The following ATXN7L1 variants were observed in gnomAD, a reference collection of about 807,000 sequenced individuals.
ATXN7L1 encodes ataxin-7-like protein 1.
In ATXN7L1, 15 loss-of-function variants were observed where a neutral mutation model predicts 70.8. That is an observed-to-expected ratio of 0.21 (90% confidence interval 0.14 to 0.33). ATXN7L1 has a LOEUF of 0.33. Ranked by LOEUF, ATXN7L1 falls within the 10% of genes least tolerant of loss-of-function variation. The pLI is 1.00. For missense variants in ATXN7L1, 975 were observed against 1,097.1 expected (o/e 0.89, Z 1.57); for synonymous variants, 440 against 445.1 (o/e 0.99, Z 0.14).
At chr7:105,688,639 A>G (rs1374668994) in intron 3 of ATXN7L1, among the ~76,000 whole-genome samples, 1 of 152,182 alleles carries the variant, frequency 6.6e-6, no homozygotes, top group Non-Finnish European at 1.5e-5. Flanking sequence ...GTAAGCGCCA[A>G]TGAAGCCTTG....
In ATXN7L1 at chr7:105,605,463, A is replaced by G. The variant is rs535179062; in HGVS notation, c.*2389T>C. ...CCAGTCTTTTGACAAAGTAAGCAGC[A>G]TTCGATGAGGGTGGGGGGGGGGGTG... On this transcript the variant is annotated 3_prime_UTR_variant, in exon 12 of 12. Coordinates refer to ENST00000419735, the MANE Select transcript of ATXN7L1 (RefSeq NM_020725.2). The G allele has an allele frequency of 6.8e-4, 41 of 60,224 alleles. No homozygotes were observed. Among genetic ancestry groups the G allele is most frequent in the Non-Finnish European group, 9.5e-4 (33 of 34,794 alleles). The allele number at this position is 60,224 out of a possible 1,614,324, so 3.7% of individuals were successfully genotyped here. A position where few individuals can be genotyped will look rare whatever the true frequency, so the allele number is the denominator to read the frequency against.
intron 7 of ATXN7L1, among the ~76,000 whole-genome samples, chr7:105,637,889 T>C (rs1439949191): frequency 6.6e-6 from 1 of 152,146 alleles, no homozygotes; most frequent in Non-Finnish European, 1.5e-5. Flanking sequence ...TGGACTAGCA[T>C]GGTGCAGTGA....
chr7:105,815,830 G>A (rs891556613), intron 2 of ATXN7L1, among the ~76,000 whole-genome samples: 4 of 152,216 alleles, frequency 2.6e-5, no homozygotes, highest in East Asian at 1.9e-4. Context: ...TGGAAGATTC[G>A]GGAGCTGGGG....
At chr7:105,648,857 AC>A in intron 4 of ATXN7L1, among the ~76,000 whole-genome samples, 1 of 146,420 alleles carries the variant, frequency 6.8e-6, no homozygotes, top group East Asian at 1.9e-4. Context: ...AAAGGTTCTA[AC>A]CCCTGCTTTC....
intron 2 of ATXN7L1, among the ~76,000 whole-genome samples, chr7:105,794,182 C>A (rs901296844): frequency 6.6e-6 from 1 of 152,140 alleles, no homozygotes; most frequent in Non-Finnish European, 1.5e-5. Flanking sequence ...TTGAAAAACA[C>A]GCTTCAAGGC....
At chr7:105,820,801 G>T (rs148497926) in intron 2 of ATXN7L1, among the ~76,000 whole-genome samples, 1 of 152,228 alleles carries the variant, frequency 6.6e-6, no homozygotes, top group Non-Finnish European at 1.5e-5. Flanking sequence ...TAGCACCATC[G>T]CCTTGGTGAT....
chr7:105,685,635 T>C (rs1806094874), intron 3 of ATXN7L1, among the ~76,000 whole-genome samples: 1 of 152,300 alleles, frequency 6.6e-6, no homozygotes, highest in East Asian at 1.9e-4. Flanking sequence ...TTTCTCTCCA[T>C]GGTCCCCTTG....
In ATXN7L1 at chr7:105,759,845, A is replaced by G. The variant is rs185728117; in HGVS notation, c.355+28759T>C. On this transcript the variant is annotated intron_variant, in intron 3 of 11. Coordinates refer to ENST00000419735, the MANE Select transcript of ATXN7L1 (RefSeq NM_020725.2). ...ATCTTACCAATTTTGCCATATGTGC[A>G]AATCAATTTGATTTCCGCCCCCCCC... 1.3e-3 allele frequency among the ~76,000 whole-genome samples: 191 copies of G among 152,100 alleles called. 1 individual carries two copies. The highest frequency in any genetic ancestry group is 4.6e-3 in the African/African-American group (189 of 41,448).
chr7:105,851,340 CT>C (rs746678204), intron 2 of ATXN7L1, among the ~76,000 whole-genome samples: 38 of 152,218 alleles, frequency 2.5e-4, no homozygotes, highest in Non-Finnish European at 2.2e-4. Flanking sequence ...GCCTTTCCCC[CT>C]GCACCATCGA....
intron 3 of ATXN7L1, among the ~76,000 whole-genome samples, chr7:105,688,480 C>G (rs1013005338): frequency 6.6e-6 from 1 of 151,890 alleles, no homozygotes; most frequent in Admixed American, 6.6e-5. Flanking sequence ...GAGGTAGAGG[C>G]TGCAGTGAGC....
chr7:105,842,680 A>G (rs982626257), intron 2 of ATXN7L1, among the ~76,000 whole-genome samples: 4 of 152,116 alleles, frequency 2.6e-5, no homozygotes, highest in Admixed American at 6.6e-5. Context: ...CTGGTGTACA[A>G]GTTTTTGTGT....
intron 2 of ATXN7L1, among the ~76,000 whole-genome samples, chr7:105,822,130 TTTACTTTCTCAA>T (rs544700585): frequency 6.6e-6 from 1 of 152,276 alleles, no homozygotes; most frequent in Non-Finnish European, 1.5e-5. Flanking sequence ...CAACATTAGA[TTTACTTTCTCAA>T]AATCCATAAT....
chr7:105,643,171 A>G, intron 4 of ATXN7L1, 50 bp from the exon 5 acceptor site: 1 of 1,459,650 alleles, frequency 6.9e-7, no homozygotes, highest in East Asian at 2.5e-5. Context: ...TGATACATCT[A>G]GTCTGCTGAG....
chr7:105,618,676 G>T (rs893116966), intron 9 of ATXN7L1, among the ~76,000 whole-genome samples: 8 of 152,110 alleles, frequency 5.3e-5, no homozygotes, highest in African/African-American at 1.9e-4. Flanking sequence ...CAGCTGGGGG[G>T]CCTCAGCTGT....
intron 3 of ATXN7L1, among the ~76,000 whole-genome samples, chr7:105,761,853 C>T (rs1429891571): frequency 3.3e-5 from 5 of 152,190 alleles, no homozygotes; most frequent in Non-Finnish European, 7.3e-5. Context: ...CCAATTTATC[C>T]ACATCACATT....
chr7:105,710,633 G>A lies in ATXN7L1; in HGVS notation c.356-45345C>T, dbSNP rs141918381. Reference sequence around the variant, plus strand: ...TCACTGTGTTAGCCAGGATGGTCTCGATCTCCTGACCTCGTGATCCACCCA... The same window carrying A: ...TCACTGTGTTAGCCAGGATGGTCTCAATCTCCTGACCTCGTGATCCACCCA... On this transcript the variant is annotated intron_variant, in intron 3 of 11. Coordinates refer to ENST00000419735, the MANE Select transcript of ATXN7L1 (RefSeq NM_020725.2). 5.2e-3 allele frequency among the ~76,000 whole-genome samples: 785 copies of A among 151,594 alleles called. 5 individuals are homozygous for A. The highest frequency in any genetic ancestry group is 0.018 in the African/African-American group (749 of 41,334).
chr7:105,852,897 C>T (rs2116635429), intron 2 of ATXN7L1, among the ~76,000 whole-genome samples: 1 of 152,150 alleles, frequency 6.6e-6, no homozygotes, highest in South Asian at 2.1e-4. Context: ...CTGGTACATG[C>T]TACAACATCG....
intron 7 of ATXN7L1, among the ~76,000 whole-genome samples, chr7:105,635,215 C>A (rs1426608126): frequency 6.6e-6 from 1 of 152,210 alleles, no homozygotes; most frequent in Non-Finnish European, 1.5e-5. Flanking sequence ...GCCCTCTTTG[C>A]CCTTTCCAAC....
chr7:105,662,753 C>T (rs1159604880), intron 4 of ATXN7L1, among the ~76,000 whole-genome samples: 2 of 152,132 alleles, frequency 1.3e-5, no homozygotes, highest in African/African-American at 2.4e-5. Context: ...GTCTGAAGAG[C>T]CATTTCTCTA....
Sources: allele counts gnomAD v4.1 joint callset (sites outside exome capture counted in the v4.1 genomes callset), GRCh38; gene constraint gnomAD v4.1.1; transcripts MANE v1.5; gene names NCBI Gene and HGNC (gene_info 2026-07-23, HGNC 2026-07-21).